HIVEP1: variants seen among roughly 807,000 people sequenced by gnomAD.
HIVEP1 encodes the protein zinc finger protein 40.
In HIVEP1, 36 loss-of-function variants were observed where a neutral mutation model predicts 180.0. The ratio of observed to expected loss-of-function variants is 0.20; its 90% CI spans 0.15 to 0.26. The LOEUF (loss-of-function observed/expected upper bound fraction) is 0.26. Among genes scored for constraint, HIVEP1 ranks in the 10% least tolerant of loss-of-function variants. HIVEP1 has a pLI of 1.00. For missense variants in HIVEP1, 3,143 were observed against 3,268.7 expected (o/e 0.96, Z 0.94); for synonymous variants, 1,239 against 1,239.0 (o/e 1.00, Z 0.00).
At chr6:12,015,747 G>T in intron 2 of HIVEP1, 79 bp downstream of exon 2, 1 of 1,326,758 alleles carries the variant, frequency 7.5e-7, no homozygotes, top group Non-Finnish European at 1.1e-6. Flanking sequence ...AGGAATGGCC[G>T]TTTGTTAGAT....
At chr6:12,130,070 G>A (rs904712591) in intron 5 of HIVEP1, among the ~76,000 whole-genome samples, 178 bp downstream of exon 5, 4 of 152,150 alleles carry the variant, frequency 2.6e-5, no homozygotes, top group African/African-American at 7.2e-5. Flanking sequence ...ATTTTATTTT[G>A]ATGGAGAAAT....
At position 12,124,616 on chromosome 6, in the gene HIVEP1, C is replaced by T. The variant is rs2113534286; in HGVS notation, c.4821C>T (p.Asp1607=). Residue 1607 remains aspartate, a synonymous_variant, in exon 4 of 9, where the codon GAC becomes GAT. Coordinates refer to ENST00000379388, the MANE Select transcript of HIVEP1 (RefSeq NM_002114.4). ...TSATLPTKLI[D]SMSNSHPLLP... ...CAACATTACCAACCAAATTAATTGA[C>T]AGCATGTCTAATTCGCATCCTCTGC... The T allele has an allele frequency of 1.2e-6, 2 of 1,614,178 alleles. No individual in the cohort carries two copies. Among genetic ancestry groups the T allele is most frequent in the South Asian group, 2.2e-5 (2 of 91,080 alleles).
chr6:12,166,987 A>G (rs1760722462), downstream of HIVEP1, among the ~76,000 whole-genome samples: 1 of 152,224 alleles, frequency 6.6e-6, no homozygotes. Context: ...ATGAAAATGT[A>G]TTATAACATA....
intron 7 of HIVEP1, among the ~76,000 whole-genome samples, chr6:12,155,330 G>T (rs550620967): frequency 2.0e-5 from 3 of 152,222 alleles, no homozygotes; most frequent in African/African-American, 7.2e-5. Flanking sequence ...CGTGTGCCAT[G>T]GTGGCTTGCT....
At chr6:12,033,401 T>G (rs1422652169) in intron 2 of HIVEP1, among the ~76,000 whole-genome samples, 1 of 152,144 alleles carries the variant, frequency 6.6e-6, no homozygotes, top group Admixed American at 6.5e-5. Flanking sequence ...AGCATTGTTA[T>G]GTCGACATTC....
chr6:12,197,387 G>A, the HIVEP1 span, among the ~76,000 whole-genome samples: 157 of 151,724 alleles, frequency 1.0e-3, 4 homozygotes, highest in East Asian at 0.025. Context: ...GCGAAACCCC[G>A]TCTCTACTAA....
chr6:12,055,860 T>G (rs1770834452), intron 2 of HIVEP1, among the ~76,000 whole-genome samples: 1 of 152,238 alleles, frequency 6.6e-6, no homozygotes, highest in Non-Finnish European at 1.5e-5. Context: ...CCAAGACAAG[T>G]GTTCTATTAA....
intron 2 of HIVEP1, among the ~76,000 whole-genome samples, chr6:12,081,836 C>A (rs1772808839): frequency 6.6e-6 from 1 of 152,030 alleles, no homozygotes; most frequent in Admixed American, 6.6e-5. Context: ...TTCTTCTCTC[C>A]CCTCTCTCCT....
At chr6:12,015,750 TG>T in intron 2 of HIVEP1, 82 bp downstream of exon 2, 2 of 1,263,216 alleles carry the variant, frequency 1.6e-6, no homozygotes, top group Non-Finnish European at 2.3e-6. Context: ...AATGGCCGTT[TG>T]TTAGATGTTG....
intron 2 of HIVEP1, among the ~76,000 whole-genome samples, chr6:12,017,042 G>C (rs1038848361): frequency 6.6e-6 from 1 of 152,210 alleles, no homozygotes; most frequent in African/African-American, 2.4e-5. Context: ...GAAGGAACGA[G>C]TGCATGATTG....
intron 3 of HIVEP1, among the ~76,000 whole-genome samples, chr6:12,090,735 CTTTTTTTTT>C (rs35266647): frequency 4.9e-5 from 4 of 82,440 alleles, no homozygotes; most frequent in South Asian, 1.0e-3. Context: ...TATAGCCAGC[CTTTTTTTTT>C]TTTTTTTTTT....
intron 2 of HIVEP1, among the ~76,000 whole-genome samples, chr6:12,083,616 G>A (rs1361134773): frequency 6.6e-6 from 1 of 152,156 alleles, no homozygotes; most frequent in African/African-American, 2.4e-5. Context: ...TACCAGAGCT[G>A]CAGGGGAACA....
chr6:12,023,158 G>C (rs923432774), intron 2 of HIVEP1, among the ~76,000 whole-genome samples: 1 of 152,202 alleles, frequency 6.6e-6, no homozygotes, highest in African/African-American at 2.4e-5. Context: ...TGTGACACAA[G>C]AGAAGCCCAG....
the HIVEP1 span, among the ~76,000 whole-genome samples, chr6:12,206,870 G>C: frequency 6.6e-6 from 1 of 151,398 alleles, no homozygotes; most frequent in Non-Finnish European, 1.5e-5. Context: ...CCCAGGAGTG[G>C]GTGAGAAGCT....
the HIVEP1 span, among the ~76,000 whole-genome samples, chr6:12,183,726 G>C: frequency 6.6e-6 from 1 of 151,938 alleles, no homozygotes; most frequent in Admixed American, 6.6e-5. Flanking sequence ...ATCGTAGTGT[G>C]GCACATACCT....
At chr6:12,181,093 G>T in the HIVEP1 span, among the ~76,000 whole-genome samples, 1 of 152,098 alleles carries the variant, frequency 6.6e-6, no homozygotes, top group Non-Finnish European at 1.5e-5. Flanking sequence ...AGGCACTGTG[G>T]CTCACGCCTG....
intron 3 of HIVEP1, among the ~76,000 whole-genome samples, chr6:12,100,878 G>A (rs1185705506): frequency 3.3e-5 from 5 of 151,950 alleles, no homozygotes; most frequent in African/African-American, 4.8e-5. Flanking sequence ...ATGCTCAGCC[G>A]GCAAGTATAA....
In HIVEP1 at chr6:12,123,700, T is replaced by A; in HGVS notation, c.3905T>A (p.Leu1302His). The change falls in exon 4 of 9, where the codon CTC becomes CAC. Residue 1302 changes from leucine (L) to histidine (H), a missense_variant. Leu to His is a moderately conservative substitution (Grantham distance 99). Transcript: ENST00000379388. ...SSTESSFDST[L>H]SRSLSRESSL... ...ACAGAATCGAGCTTTGATTCCACTC[T>A]CTCCAGGAGTCTAAGTAGGGAGAGC... 6.2e-7 allele frequency: 1 copy of A among 1,613,938 alleles called. No individual in the cohort carries two copies.
At chr6:12,184,504 G>A in the HIVEP1 span, among the ~76,000 whole-genome samples, 1 of 152,112 alleles carries the variant, frequency 6.6e-6, no homozygotes, top group East Asian at 1.9e-4. Context: ...TGATTAATGT[G>A]GCATTCGCAA....
Sources: allele counts gnomAD v4.1 joint callset (sites outside exome capture counted in the v4.1 genomes callset), GRCh38; gene constraint gnomAD v4.1.1; transcripts MANE v1.5; gene names NCBI Gene and HGNC (gene_info 2026-07-23, HGNC 2026-07-21).